Variants in ADAM2 observed in about 807,000 individuals in gnomAD.
The protein encoded by ADAM2 is ADAM metallopeptidase domain 2.
Under a neutral mutation model 99.3 loss-of-function variants are expected in ADAM2, and 101 were observed. The observed-to-expected ratio is 1.02, with a 90% CI of 0.87 to 1.20. The LOEUF is 1.20. Among genes scored for constraint, ADAM2 ranks in the 50% most tolerant of loss-of-function variants. The pLI is 0.00. For missense variants in ADAM2, 948 were observed against 878.7 expected, an observed-to-expected ratio of 1.08 and a Z score of -1.00; for synonymous variants, 323 against 287.6, an observed-to-expected ratio of 1.12 and a Z score of -1.25.
chr8:39,780,744 A>G (rs947684735), intron 10 of ADAM2, among the ~76,000 whole-genome samples: 4 of 152,186 alleles, frequency 2.6e-5, no homozygotes, highest in African/African-American at 9.6e-5. Flanking sequence ...AACAAAATAC[A>G]TATGGATTTT....
chr8:39,785,541 A>G (rs1416748397), intron 10 of ADAM2, among the ~76,000 whole-genome samples: 2 of 152,200 alleles, frequency 1.3e-5, no homozygotes, highest in South Asian at 2.1e-4. Context: ...AAATAAGTCA[A>G]TCCCAGCACT....
chr8:39,791,452 GATTCTGCTCTCTGAC>G, intron 7 of ADAM2, among the ~76,000 whole-genome samples: 1 of 152,108 alleles, frequency 6.6e-6, no homozygotes, highest in Non-Finnish European at 1.5e-5. Context: ...AGCTTGTTAG[GATTCTGCTCTCTGAC>G]AGTCTTTGAA....
intron 7 of ADAM2, among the ~76,000 whole-genome samples, chr8:39,792,230 CA>C (rs35187328): frequency 2.7e-5 from 4 of 148,360 alleles, no homozygotes; most frequent in Admixed American, 6.7e-5. Context: ...TAAATATTTA[CA>C]AAAAAAAATG....
At chr8:39,766,806 A>G (rs1231347474) in intron 14 of ADAM2, 42 bp downstream of exon 14, 1 of 1,386,956 alleles carries the variant, frequency 7.2e-7, no homozygotes. Flanking sequence ...TTCAGTTTCC[A>G]GAAAAAAACG....
chr8:39,752,154 C>T (rs1269922300), intron 16 of ADAM2, among the ~76,000 whole-genome samples: 2 of 152,150 alleles, frequency 1.3e-5, no homozygotes, highest in Non-Finnish European at 2.9e-5. Flanking sequence ...CTGAAGGCAG[C>T]ACTCCTCCAG....
In ADAM2 at chr8:39,761,223, AG is replaced by A. The variant is rs764589493; in HGVS notation, c.1565del (p.Ser522LeufsTer6). ...CTGAATCACTTATACCACAGTTTCCAGATACATCAGTCTTTGAATTAAGGTG... is the reference window on the plus strand; with the variant it reads ...CTGAATCACTTATACCACAGTTTCCAATACATCAGTCTTTGAATTAAGGTG... ...YSHLNSKTDVSGNCGISDSGY... is the reference protein window; with the variant it reads ...YSHLNSKTDVXGNCGISDSGY... On this transcript the variant is annotated frameshift_variant, in exon 15 of 21. Coordinates refer to ENST00000265708, the MANE Select transcript of ADAM2 (RefSeq NM_001464.5). LOFTEE classifies it high-confidence loss of function. The A allele has an allele frequency of 6.2e-7, 1 of 1,605,382 alleles. No homozygotes were observed. The highest frequency in any genetic ancestry group is 2.3e-5 in the East Asian group (1 of 44,370).
At chr8:39,751,544 C>T (rs1801947566) in intron 16 of ADAM2, among the ~76,000 whole-genome samples, 1 of 151,900 alleles carries the variant, frequency 6.6e-6, no homozygotes, top group South Asian at 2.1e-4. Context: ...TGGCAGAGTG[C>T]TTAACTTCAG....
intron 10 of ADAM2, among the ~76,000 whole-genome samples, chr8:39,783,887 G>A (rs912084650): frequency 2.0e-5 from 3 of 151,968 alleles, no homozygotes; most frequent in Non-Finnish European, 4.4e-5. Flanking sequence ...GGGAGGCGGG[G>A]TGAGTCAAGA....
intron 6 of ADAM2, among the ~76,000 whole-genome samples, chr8:39,813,404 G>T (rs1156668178): frequency 6.6e-6 from 1 of 152,210 alleles, no homozygotes; most frequent in African/African-American, 2.4e-5. Flanking sequence ...ATTTGACCCA[G>T]CCATCCCATT....
chr8:39,745,258 G>A (rs1823399261), intron 19 of ADAM2, among the ~76,000 whole-genome samples: 1 of 151,878 alleles, frequency 6.6e-6, no homozygotes, highest in South Asian at 2.1e-4. Flanking sequence ...GAAGATATTT[G>A]ATATCAGTTA....
At chr8:39,758,264 C>T (rs1218360861) in intron 15 of ADAM2, among the ~76,000 whole-genome samples, 3 of 151,922 alleles carry the variant, frequency 2.0e-5, no homozygotes, top group African/African-American at 7.3e-5. Flanking sequence ...GCCACCATAT[C>T]TGAAATTTAC....
At chr8:39,764,148 T>A (rs13272881) in intron 14 of ADAM2, among the ~76,000 whole-genome samples, 73,614 of 152,026 alleles carry the variant, frequency 0.48, 17,990 homozygotes, top group South Asian at 0.67. Context: ...GCTCACTTCT[T>A]TAATTCCAGC....
At chr8:39,776,880 T>C (rs950351219) in intron 11 of ADAM2, 145 bp downstream of exon 11, 6 of 556,974 alleles carry the variant, frequency 1.1e-5, no homozygotes, top group Non-Finnish European at 1.6e-5. Flanking sequence ...ATATGCATCG[T>C]GGGCATTGGA....
rs889193388 is a variant in ADAM2, at chr8:39,824,750, T to C, written c.267+69A>G. 44 of 825,818 alleles carry C rather than the reference T, an allele frequency of 5.3e-5. 1 individual carries two copies. Among genetic ancestry groups the C allele is most frequent in the South Asian group, 5.3e-4 (36 of 68,178 alleles). The allele number at this position is 825,818 out of a possible 1,614,324, so 51.2% of individuals were successfully genotyped here. Reference sequence around the variant, plus strand: ...CCCAACACTTTAGACTCTAATAACATGTGGACACTAAATAAGGTGATCATA... The same window carrying C: ...CCCAACACTTTAGACTCTAATAACACGTGGACACTAAATAAGGTGATCATA... On this transcript the variant is annotated intron_variant, in intron 4 of 20. Coordinates refer to ENST00000265708, the MANE Select transcript of ADAM2 (RefSeq NM_001464.5).
intron 7 of ADAM2, among the ~76,000 whole-genome samples, chr8:39,796,913 T>C (rs970728576): frequency 2.0e-5 from 3 of 152,198 alleles, no homozygotes; most frequent in Non-Finnish European, 4.4e-5. Context: ...GTAAATATGT[T>C]TAAGTTCCTT....
At chr8:39,828,267 T>C (rs989708230) in intron 3 of ADAM2, among the ~76,000 whole-genome samples, 1 of 151,706 alleles carries the variant, frequency 6.6e-6, no homozygotes, top group Non-Finnish European at 1.5e-5. Context: ...AGGTTTGTGA[T>C]GTGTGAAAAA....
chr8:39,756,406 A>G (rs1802154810), intron 15 of ADAM2, among the ~76,000 whole-genome samples: 1 of 152,210 alleles, frequency 6.6e-6, no homozygotes, highest in Non-Finnish European at 1.5e-5. Flanking sequence ...AGTATGTCCT[A>G]CAGATTAATG....
intron 6 of ADAM2, among the ~76,000 whole-genome samples, chr8:39,818,877 A>G (rs552488813): frequency 7.9e-5 from 12 of 152,010 alleles, no homozygotes; most frequent in African/African-American, 2.9e-4. Context: ...TATATAAAAC[A>G]TTGCAGAAAT....
At chr8:39,797,564 G>T (rs1214476365) in intron 7 of ADAM2, among the ~76,000 whole-genome samples, 3 of 152,104 alleles carry the variant, frequency 2.0e-5, no homozygotes, top group Non-Finnish European at 4.4e-5. Flanking sequence ...ATTTAAAATA[G>T]TTTTTTCTAA....
Sources: gnomAD v4.1 joint callset for allele counts (sites outside exome capture counted in the v4.1 genomes callset) on GRCh38, gnomAD v4.1.1 for gene constraint, MANE v1.5 for transcripts, NCBI Gene and HGNC (gene_info 2026-07-23, HGNC 2026-07-21) for gene names.